Variants in KIF6 observed in about 807,000 individuals in gnomAD.
KIF6 encodes the protein kinesin-like protein KIF6.
KIF6 carries 106 observed loss-of-function variants against 112.7 expected under a neutral mutation model. The observed-to-expected ratio is 0.94, with a 90% CI of 0.80 to 1.11. The LOEUF (loss-of-function observed/expected upper bound fraction) is 1.11. KIF6 is among the 50% of genes least tolerant of loss of function. KIF6 has a pLI of 0.00. For synonymous variants in KIF6, 339 were observed against 339.9 expected (o/e 1.00, Z 0.03); for missense variants, 929 against 964.0 (o/e 0.96, Z 0.48).
At chr6:39,371,115 T>C (rs1452915194) in intron 16 of KIF6, among the ~76,000 whole-genome samples, 1 of 152,166 alleles carries the variant, frequency 6.6e-6, no homozygotes, top group African/African-American at 2.4e-5. Flanking sequence ...ACCAACATGA[T>C]GTTCCTGAAT....
intron 16 of KIF6, 78 bp from the exon 17 acceptor site, chr6:39,362,596 G>T: frequency 9.4e-7 from 1 of 1,066,350 alleles, no homozygotes. Context: ...AGATGACAGA[G>T]TTCAAGGGCA....
chr6:39,552,500 T>C lies in KIF6; in HGVS notation c.1182-6812A>G, dbSNP rs1319027855. Among the ~76,000 whole-genome samples the C allele has an allele frequency of 2.0e-5, 3 of 152,170 alleles. No homozygotes were observed. In the South Asian group the frequency reaches 6.2e-4, roughly 32 times the overall value. ...TGCATATTGTCACTAAGGTAGGAAA[T>C]TGAAACACTGAGATTTGAAAACAAT... On this transcript the variant is annotated intron_variant, in intron 10 of 22. Coordinates refer to ENST00000287152, the MANE Select transcript of KIF6 (RefSeq NM_145027.6).
chr6:39,548,871 C>T (rs1448987007), intron 10 of KIF6, among the ~76,000 whole-genome samples: 1 of 152,140 alleles, frequency 6.6e-6, no homozygotes, highest in Non-Finnish European at 1.5e-5. Flanking sequence ...TCAACAAGAG[C>T]TTTCCTTATT....
rs55781957 is a variant in KIF6 at position 39,567,619 on chromosome 6, T to C, written c.1181+10437A>G. Among the ~76,000 whole-genome samples, 424 of 152,042 alleles carry C rather than the reference T, an allele frequency of 2.8e-3. 2 individuals are homozygous for C. Among genetic ancestry groups the C allele is most frequent in the Non-Finnish European group, 5.0e-3 (338 of 67,944 alleles). ...TGACACAGAAGTGATTTCTTTTTTT[T>C]TTTTTTGAGACGGAGTCTCGCTCTG... On this transcript the variant is annotated intron_variant, in intron 10 of 22. Transcript: ENST00000287152.
At chr6:39,669,722 G>A (rs940639588) in intron 3 of KIF6, among the ~76,000 whole-genome samples, 7 of 152,176 alleles carry the variant, frequency 4.6e-5, no homozygotes, top group South Asian at 4.1e-4. Context: ...GACCTTATGC[G>A]GGGCAGCACG....
intron 3 of KIF6, among the ~76,000 whole-genome samples, chr6:39,680,351 G>A (rs2113769878): frequency 6.6e-6 from 1 of 152,344 alleles, no homozygotes; most frequent in South Asian, 2.1e-4. Context: ...CTTCTTAAGA[G>A]CAGACATGGC....
chr6:39,581,323 A>G (rs1362415263), intron 9 of KIF6, among the ~76,000 whole-genome samples: 1 of 151,894 alleles, frequency 6.6e-6, no homozygotes, highest in Non-Finnish European at 1.5e-5. Context: ...GCCTGCCACC[A>G]TGCTCGGCTA....
intron 7 of KIF6, among the ~76,000 whole-genome samples, chr6:39,593,565 C>T (rs1219183416): frequency 6.6e-6 from 1 of 152,172 alleles, no homozygotes; most frequent in Non-Finnish European, 1.5e-5. Context: ...CCTGTGAAGA[C>T]ACTTGTGTAT....
intron 13 of KIF6, among the ~76,000 whole-genome samples, chr6:39,497,116 G>A (rs901529991): frequency 7.2e-5 from 11 of 152,218 alleles, no homozygotes; most frequent in South Asian, 2.1e-4. Context: ...AAAACTGCTC[G>A]TTCTACATTA....
intron 3 of KIF6, among the ~76,000 whole-genome samples, chr6:39,664,881 T>C (rs1439176118): frequency 6.6e-6 from 1 of 152,172 alleles, no homozygotes; most frequent in East Asian, 1.9e-4. Context: ...AAGATATTTA[T>C]TTACATTTTT....
chr6:39,613,855 A>G (rs1228720065), intron 5 of KIF6, among the ~76,000 whole-genome samples: 2 of 152,192 alleles, frequency 1.3e-5, no homozygotes, highest in Non-Finnish European at 2.9e-5. Context: ...GTGAATAAAA[A>G]ATTTTCAAGT....
At chr6:39,495,857 C>G (rs1421762965) in intron 13 of KIF6, among the ~76,000 whole-genome samples, 1 of 151,902 alleles carries the variant, frequency 6.6e-6, no homozygotes, top group Non-Finnish European at 1.5e-5. Flanking sequence ...AGGAGGGAGC[C>G]CTTTGTCATG....
At chr6:39,641,319 A>G (rs1784885786) in intron 3 of KIF6, among the ~76,000 whole-genome samples, 1 of 152,126 alleles carries the variant, frequency 6.6e-6, no homozygotes, top group African/African-American at 2.4e-5. Context: ...CAGCCATAAA[A>G]ATTGATGAGT....
intron 15 of KIF6, among the ~76,000 whole-genome samples, chr6:39,408,848 G>A (rs1267816293): frequency 6.6e-6 from 1 of 152,056 alleles, no homozygotes; most frequent in African/African-American, 2.4e-5. Context: ...GTTAAAAAGA[G>A]ACAAAACCCA....
chr6:39,593,183 A>G (rs1307934562), intron 7 of KIF6, among the ~76,000 whole-genome samples: 1 of 152,200 alleles, frequency 6.6e-6, no homozygotes, highest in Non-Finnish European at 1.5e-5. Flanking sequence ...TAAACATTCA[A>G]TCACAATTTG....
intron 3 of KIF6, among the ~76,000 whole-genome samples, chr6:39,695,612 C>T (rs767007452): frequency 2.6e-5 from 4 of 152,092 alleles, no homozygotes; most frequent in Non-Finnish European, 5.9e-5. Flanking sequence ...CCATCTCACA[C>T]CAGTCAGAAT....
At chr6:39,523,317 C>T (rs1340793497) in intron 13 of KIF6, among the ~76,000 whole-genome samples, 2 of 152,100 alleles carry the variant, frequency 1.3e-5, no homozygotes, top group Non-Finnish European at 2.9e-5. Context: ...ATCCAAATTA[C>T]TCTGCACATT....
In KIF6 at chr6:39,331,950, CTT is replaced by C. The variant is rs72262714; in HGVS notation, c.*4580_*4581del. 9.7e-4 allele frequency: 140 copies of C among 144,220 alleles called. No homozygotes were observed. The Middle Eastern group carries it at 0.011, about 11-fold the overall frequency. 8.9% of individuals were successfully genotyped at this position (144,220 alleles called of 1,614,324 possible). ...CTGGGGCTGTTTCTATTTGTTTTTT[CTT>C]TTTTTTTTTTTTGAGACAGAGTTTC... is the stretch of plus-strand genomic sequence containing the variant. On this transcript the variant is annotated 3_prime_UTR_variant, in exon 23 of 23. Transcript: ENST00000287152.
At chr6:39,435,522 C>T (rs1227589188) in intron 13 of KIF6, among the ~76,000 whole-genome samples, 2 of 151,938 alleles carry the variant, frequency 1.3e-5, no homozygotes, top group African/African-American at 2.4e-5. Flanking sequence ...TTTCATCCCT[C>T]ACCCCCCAAA....
Sources: gnomAD v4.1 joint callset for allele counts (sites outside exome capture counted in the v4.1 genomes callset) on GRCh38, gnomAD v4.1.1 for gene constraint, MANE v1.5 for transcripts, NCBI Gene and HGNC (gene_info 2026-07-23, HGNC 2026-07-21) for gene names.